PPM1H: variants seen among roughly 807,000 people sequenced by gnomAD.
The protein encoded by PPM1H is protein phosphatase, Mg2+/Mn2+ dependent 1H.
A neutral mutation model predicts 54.9 loss-of-function variants in PPM1H; 27 were observed. The ratio of observed to expected loss-of-function variants is 0.49; its 90% confidence interval spans 0.36 to 0.68. The LOEUF is 0.68. Ranked by LOEUF, PPM1H falls within the 30% of genes least tolerant of loss-of-function variation. The pLI is 0.00. For missense variants in PPM1H, 596 were observed against 667.8 expected, an observed-to-expected ratio of 0.89 and a Z score of 1.19; for synonymous variants, 305 against 270.8, an observed-to-expected ratio of 1.13 and a Z score of -1.24.
intron 5 of PPM1H, among the ~76,000 whole-genome samples, chr12:62,728,840 G>T (rs967887569): frequency 6.6e-6 from 1 of 152,228 alleles, no homozygotes; most frequent in Non-Finnish European, 1.5e-5. Context: ...GCGGAGGGCT[G>T]AGCACCAGCC....
At position 62,701,235 on chromosome 12, in the gene PPM1H, A is replaced by G. The variant is rs527423097; in HGVS notation, c.1074-7236T>C. ...GTTCGGCTGCTTTCTATGTCTGACTATGCTGTTCCGGCTGATGCTCACTCA... is the reference window on the plus strand; with the variant it reads ...GTTCGGCTGCTTTCTATGTCTGACTGTGCTGTTCCGGCTGATGCTCACTCA... On this transcript the variant is annotated intron_variant, in intron 6 of 9. Coordinates refer to ENST00000228705, the MANE Select transcript of PPM1H (RefSeq NM_020700.2). Among the ~76,000 whole-genome samples, 81 of 152,320 alleles carry G rather than the reference A, an allele frequency of 5.3e-4. 1 individual carries two copies. The highest frequency in any genetic ancestry group is 1.9e-3 in the African/African-American group (80 of 41,564).
chr12:62,902,844 C>T (rs1009157407), intron 1 of PPM1H, among the ~76,000 whole-genome samples: 6 of 152,200 alleles, frequency 3.9e-5, no homozygotes, highest in African/African-American at 9.7e-5. Flanking sequence ...CAGTGAGGCC[C>T]TACTCTAGAT....
At chr12:62,792,282 C>T (rs1298685012) in intron 3 of PPM1H, among the ~76,000 whole-genome samples, 1 of 152,180 alleles carries the variant, frequency 6.6e-6, no homozygotes, top group African/African-American at 2.4e-5. Context: ...ACCCATTTAA[C>T]CCCTTGGTAT....
intron 4 of PPM1H, among the ~76,000 whole-genome samples, chr12:62,752,124 T>C (rs2076445577): frequency 6.6e-6 from 1 of 152,234 alleles, no homozygotes; most frequent in Non-Finnish European, 1.5e-5. Context: ...GAATTAAGTA[T>C]ACTGGGAAAG....
chr12:62,660,937 T>A (rs981026716), intron 9 of PPM1H, among the ~76,000 whole-genome samples: 1 of 152,238 alleles, frequency 6.6e-6, no homozygotes, highest in African/African-American at 2.4e-5. Flanking sequence ...GAATGCTTCC[T>A]GGTTGTGAAT....
At chr12:62,755,824 C>T in intron 4 of PPM1H, 1 of 819,242 alleles carries the variant, frequency 1.2e-6, no homozygotes, top group Non-Finnish European at 2.1e-6. Flanking sequence ...GGTGTGACAG[C>T]CACGGCGCTC....
intron 6 of PPM1H, among the ~76,000 whole-genome samples, chr12:62,708,124 A>T (rs565084761): frequency 1.3e-5 from 2 of 152,388 alleles, no homozygotes; most frequent in East Asian, 3.9e-4. Flanking sequence ...CACCGCTGGC[A>T]TCTTTGTTAT....
rs187709613 is a variant in PPM1H at position 62,860,651 on chromosome 12, C to T, written c.246-28372G>A. 2.5e-4 allele frequency among the ~76,000 whole-genome samples: 38 copies of T among 152,220 alleles called. 1 individual carries two copies. The highest frequency in any genetic ancestry group is 6.8e-3 in the Middle Eastern group (2 of 294). On this transcript the variant is annotated intron_variant, in intron 1 of 9. Coordinates refer to ENST00000228705, the MANE Select transcript of PPM1H (RefSeq NM_020700.2). ...AACCCTGATTATGACGTACTGAATC[C>T]CTGACGCATCTCCTACAACTCAGTG...
intron 7 of PPM1H, 90 bp downstream of exon 7, chr12:62,693,846 G>A (rs960952814): frequency 8.8e-7 from 1 of 1,139,286 alleles, no homozygotes; most frequent in Non-Finnish European, 1.3e-6. Context: ...ACAAGCTGCT[G>A]AGTGGAACAC....
rs983016154 is a variant in PPM1H, at chr12:62,672,916, G to A, written c.1246-5587C>T. Among the ~76,000 whole-genome samples, 5 of 152,276 alleles carry A rather than the reference G, an allele frequency of 3.3e-5. No individual in the cohort carries two copies. The East Asian group carries it at 9.6e-4, about 29-fold the overall frequency. On this transcript the variant is annotated intron_variant, in intron 8 of 9. Transcript: ENST00000228705. ...TTCAGGACATACTTGCTGAGGCAAAGCATAAACAGGGGAAGGAGAGTGGAA... is the reference window on the plus strand; with the variant it reads ...TTCAGGACATACTTGCTGAGGCAAAACATAAACAGGGGAAGGAGAGTGGAA...
intron 1 of PPM1H, among the ~76,000 whole-genome samples, chr12:62,903,233 A>T (rs1366096887): frequency 6.6e-6 from 1 of 152,172 alleles, no homozygotes; most frequent in Non-Finnish European, 1.5e-5. Flanking sequence ...CTCCATCCAC[A>T]TCAAGTCTGA....
chr12:62,909,766 G>A (rs916723906), intron 1 of PPM1H, among the ~76,000 whole-genome samples: 1 of 152,160 alleles, frequency 6.6e-6, no homozygotes, highest in Non-Finnish European at 1.5e-5. Context: ...TAGAATAGAG[G>A]CTGTCTGTGG....
intron 8 of PPM1H, among the ~76,000 whole-genome samples, chr12:62,673,994 C>G (rs1401127100): frequency 6.6e-6 from 1 of 151,912 alleles, no homozygotes; most frequent in Non-Finnish European, 1.5e-5. Context: ...TGGAATTACA[C>G]GTACACACCA....
At chr12:62,751,969 AC>A (rs1388661505) in intron 4 of PPM1H, among the ~76,000 whole-genome samples, 56 of 152,300 alleles carry the variant, frequency 3.7e-4, no homozygotes, top group African/African-American at 1.3e-3. Flanking sequence ...GGTAACAGTT[AC>A]CCGGTGTCAG....
Position 62,903,556 on chromosome 12 carries a change from G to A in PPM1H, c.245+30936C>T, listed in dbSNP as rs1053766275. Among the ~76,000 whole-genome samples the A allele has an allele frequency of 1.1e-4, 17 of 152,298 alleles. 1 individual carries two copies. Among genetic ancestry groups the A allele is most frequent in the Admixed American group, 4.6e-4 (7 of 15,292 alleles). ...GAGGGCCAGGTGTCCCTTAACCACTGAGCACAAGAACTCTGTGATTTTAGA... is the reference window on the plus strand; with the variant it reads ...GAGGGCCAGGTGTCCCTTAACCACTAAGCACAAGAACTCTGTGATTTTAGA... On this transcript the variant is annotated intron_variant, in intron 1 of 9. Transcript: ENST00000228705.
chr12:62,934,721 T>G lies in PPM1H; in HGVS notation c.16A>C (p.Lys6Gln), dbSNP rs759809893. The G allele has an allele frequency of 6.2e-6, 10 of 1,602,236 alleles. No homozygotes were observed. Among genetic ancestry groups the G allele is most frequent in the Non-Finnish European group, 7.7e-6 (9 of 1,173,542 alleles). The change falls in exon 1 of 10, where the codon AAA becomes CAA. Residue 6 changes from lysine to glutamine, a missense_variant. Coordinates refer to ENST00000228705, the MANE Select transcript of PPM1H (RefSeq NM_020700.2). The surrounding 1 kb of genome is among the most constrained non-coding windows in gnomAD (Gnocchi z 4.2). The stretch of plus-strand genomic sequence containing the variant: ...CCCATGAAATTGGCCACGGCAGATT[T>G]CACTCGAGTGAGCATATTACTCCGG... MLTRV[K>Q]SAVANFMGGI...
intron 5 of PPM1H, among the ~76,000 whole-genome samples, chr12:62,731,425 G>A (rs776724580): frequency 7.9e-5 from 12 of 152,132 alleles, no homozygotes; most frequent in Non-Finnish European, 1.3e-4. Context: ...CCACCAGCAC[G>A]CTTGAACCTC....
chr12:62,730,285 C>G (rs2076314246), intron 5 of PPM1H, among the ~76,000 whole-genome samples: 1 of 152,214 alleles, frequency 6.6e-6, no homozygotes, highest in South Asian at 2.1e-4. Context: ...CTGTTACAAA[C>G]AGTGCTGCTA....
At chr12:62,698,791 GT>G (rs1195735195) in intron 6 of PPM1H, among the ~76,000 whole-genome samples, 3 of 136,942 alleles carry the variant, frequency 2.2e-5, no homozygotes, top group Non-Finnish European at 4.5e-5. Flanking sequence ...ACCTGAGAAT[GT>G]TTTTTTTGGC....
Sources: allele counts gnomAD v4.1 joint callset (sites outside exome capture counted in the v4.1 genomes callset), GRCh38; gene constraint gnomAD v4.1.1; non-coding constraint Gnocchi (gnomAD v3.1); transcripts MANE v1.5; gene names NCBI Gene and HGNC (gene_info 2026-07-23, HGNC 2026-07-21).